Variants in DRC9 observed in about 807,000 individuals in gnomAD.
DRC9 encodes dynein regulatory complex protein 9.
At chr3:197,907,894 A>G in the DRC9 span, among the ~76,000 whole-genome samples, 1 of 148,252 alleles carries the variant, frequency 6.7e-6, no homozygotes, top group East Asian at 2.0e-4. Context: ...GGGTGACTGT[A>G]CCACGTCTGA....
the DRC9 span, among the ~76,000 whole-genome samples, chr3:197,893,438 C>G: frequency 3.3e-4 from 48 of 145,214 alleles, no homozygotes; most frequent in African/African-American, 1.2e-3. Context: ...GAAGAGGAAA[C>G]AAAAGGTATG....
chr3:197,950,780 C>T, the DRC9 span: 1 of 656,468 alleles, frequency 1.5e-6, no homozygotes, highest in South Asian at 1.8e-5. Flanking sequence ...CTTGCCGGAC[C>T]CTGCGTTTCA....
chr3:197,940,941 G>GA, the DRC9 span, among the ~76,000 whole-genome samples: 15 of 152,018 alleles, frequency 9.9e-5, no homozygotes, highest in Non-Finnish European at 2.1e-4. Context: ...TGATAAACCA[G>GA]AAAAAAACAG....
At chr3:197,913,329 C>CGT in the DRC9 span, 18 of 192,826 alleles carry the variant, frequency 9.3e-5, no homozygotes, top group African/African-American at 4.3e-4. Flanking sequence ...TGCGTGTGTG[C>CGT]GTGCGTGCGT....
the DRC9 span, chr3:197,925,921 A>G: frequency 7.8e-5 from 59 of 754,942 alleles, no homozygotes; most frequent in Middle Eastern, 3.7e-4. Flanking sequence ...AGGAAACAAC[A>G]ATCTTTTACA....
At chr3:197,912,506 C>A in the DRC9 span, 1 of 588,244 alleles carries the variant, frequency 1.7e-6, no homozygotes, top group Admixed American at 3.0e-5. Context: ...CAAATTACAG[C>A]TATATAAGAT....
At chr3:197,959,502 C>T in the DRC9 span, 1 of 152,232 alleles carries the variant, frequency 6.6e-6, no homozygotes, top group Non-Finnish European at 1.5e-5. Context: ...CTTTCCTACT[C>T]CTTCATTTCC....
the DRC9 span, among the ~76,000 whole-genome samples, chr3:197,937,913 G>A: frequency 6.6e-6 from 1 of 151,970 alleles, no homozygotes; most frequent in Non-Finnish European, 1.5e-5. Flanking sequence ...TTCCAGCCTG[G>A]GCTACAGAGT....
the DRC9 span, among the ~76,000 whole-genome samples, chr3:197,923,509 CACTT>C: frequency 6.6e-6 from 1 of 152,144 alleles, no homozygotes; most frequent in Non-Finnish European, 1.5e-5. Flanking sequence ...GCAGACAGAT[CACTT>C]GAGCTCAGGA....
chr3:197,957,702 T>C, the DRC9 span: 1 of 152,174 alleles, frequency 6.6e-6, no homozygotes, highest in Non-Finnish European at 1.5e-5. Context: ...ACTTGGGAAT[T>C]ACGCAGTCAG....
the DRC9 span, among the ~76,000 whole-genome samples, chr3:197,909,586 T>C: frequency 2.0e-5 from 3 of 152,242 alleles, no homozygotes; most frequent in Admixed American, 1.3e-4. Flanking sequence ...GAGTGTGAGA[T>C]ATATTCTATC....
chr3:197,921,185 C>T, the DRC9 span, among the ~76,000 whole-genome samples: 1 of 128,478 alleles, frequency 7.8e-6, no homozygotes, highest in Non-Finnish European at 1.6e-5. Context: ...GACCCGACTA[C>T]TGGTTTTCAG....
the DRC9 span, chr3:197,891,301 A>T: frequency 9.4e-6 from 5 of 530,948 alleles, no homozygotes; most frequent in African/African-American, 2.0e-5. Flanking sequence ...CTGTTGGCAA[A>T]TTCTAATAAT....
chr3:197,934,959 A>G, the DRC9 span, among the ~76,000 whole-genome samples: 1 of 152,086 alleles, frequency 6.6e-6, no homozygotes, highest in African/African-American at 2.4e-5. Context: ...TGACAGAGTG[A>G]GACCCTGTCT....
chr3:197,946,358 C>T, the DRC9 span, among the ~76,000 whole-genome samples: 1 of 144,512 alleles, frequency 6.9e-6, no homozygotes, highest in South Asian at 2.2e-4. Flanking sequence ...TGGCGTGAAC[C>T]TGGGAGGCAG....
chr3:197,942,558 GA>G, the DRC9 span, among the ~76,000 whole-genome samples: 796 of 149,920 alleles, frequency 5.3e-3, 4 homozygotes, highest in African/African-American at 0.018. Flanking sequence ...CAAACAAAAT[GA>G]AAAAAAAAGC....
chr3:197,920,678 T>C, the DRC9 span, among the ~76,000 whole-genome samples: 2 of 152,208 alleles, frequency 1.3e-5, no homozygotes, highest in Admixed American at 1.3e-4. Context: ...AAATAATATA[T>C]ATAAATTTTC....
the DRC9 span, among the ~76,000 whole-genome samples, chr3:197,929,098 G>A: frequency 1.3e-5 from 2 of 152,150 alleles, no homozygotes; most frequent in African/African-American, 2.4e-5. The surrounding 1 kb of genome is among the most constrained non-coding windows in gnomAD (Gnocchi z 4.6). Context: ...ACTTGCAGAC[G>A]GACACCAGAC....
At chr3:197,913,083 GA>G in the DRC9 span, 1 of 242,024 alleles carries the variant, frequency 4.1e-6, no homozygotes. Context: ...ACGTGGCCTT[GA>G]GCCACGTCAG....
Sources: gnomAD v4.1 joint callset for allele counts (sites outside exome capture counted in the v4.1 genomes callset) on GRCh38, gnomAD v4.1.1 for gene constraint, Gnocchi (gnomAD v3.1) non-coding constraint, MANE v1.5 for transcripts, NCBI Gene and HGNC (gene_info 2026-07-23, HGNC 2026-07-21) for gene names.